The following CDH4 variants were observed in gnomAD, a reference collection of about 807,000 sequenced individuals.
CDH4 encodes the protein cadherin 4, also known as cadherin-4.
CDH4 carries 33 observed loss-of-function variants against 86.0 expected under a neutral mutation model. That is an observed-to-expected ratio of 0.38 (90% CI 0.29 to 0.51). The LOEUF (loss-of-function observed/expected upper bound fraction) is 0.51, where lower values mean the gene tolerates loss of function less well. Ranked by LOEUF, CDH4 falls within the 20% of genes least tolerant of loss-of-function variation. The pLI is 0.86. For synonymous variants in CDH4, 555 were observed against 549.4 expected (o/e 1.01, Z -0.14); for missense variants, 1,114 against 1,307.4 (o/e 0.85, Z 2.28).
intron 2 of CDH4, among the ~76,000 whole-genome samples, chr20:61,530,652 T>C (rs972720467): frequency 8.5e-5 from 13 of 152,056 alleles, no homozygotes; most frequent in African/African-American, 3.1e-4. Context: ...TCAGAATGCT[T>C]TGGCTAGAAA....
At chr20:61,599,160 C>G (rs1215976143) in intron 2 of CDH4, among the ~76,000 whole-genome samples, 1 of 152,198 alleles carries the variant, frequency 6.6e-6, no homozygotes, top group African/African-American at 2.4e-5. Flanking sequence ...CCCTAGAGGT[C>G]GCTCTTGGAG....
rs919145416 is a variant in CDH4 at position 61,899,628 on chromosome 20, T to C, written c.1188+4581T>C. Among the ~76,000 whole-genome samples, 11 of 152,224 alleles carry C rather than the reference T, an allele frequency of 7.2e-5. No homozygotes were observed. In the East Asian group the frequency reaches 7.8e-4, roughly 11 times the overall value. ...ATTCTTAGTAGTGATGGGGTTTCAC[T>C]GTGTTAGCCAGGATGGTCTTGATCT... On this transcript the variant is annotated intron_variant, in intron 8 of 15. Transcript: ENST00000614565.
chr20:61,636,082 G>A (rs937525680), intron 2 of CDH4, among the ~76,000 whole-genome samples: 8 of 152,192 alleles, frequency 5.3e-5, no homozygotes, highest in Non-Finnish European at 1.0e-4. Flanking sequence ...CACGCGTGGG[G>A]GTCCACCGTG....
chr20:61,406,973 T>C (rs1404607429), intron 2 of CDH4, among the ~76,000 whole-genome samples: 2 of 149,992 alleles, frequency 1.3e-5, no homozygotes, highest in Non-Finnish European at 3.0e-5. Flanking sequence ...TGGACCACCA[T>C]CTGCTCTTCT....
chr20:61,391,406 A>G (rs1447903206), intron 2 of CDH4, among the ~76,000 whole-genome samples: 2 of 152,106 alleles, frequency 1.3e-5, no homozygotes, highest in Non-Finnish European at 2.9e-5. Context: ...TAGCCAGGGC[A>G]CTTCCTGCGG....
chr20:61,424,320 C>A (rs1408884838), intron 2 of CDH4, among the ~76,000 whole-genome samples: 3 of 151,722 alleles, frequency 2.0e-5, no homozygotes, highest in African/African-American at 7.3e-5. Flanking sequence ...CACACATCCA[C>A]ATACAACACA....
chr20:61,892,203 C>T (rs1199650047), intron 7 of CDH4, among the ~76,000 whole-genome samples: 3 of 152,190 alleles, frequency 2.0e-5, no homozygotes, highest in South Asian at 2.1e-4. Flanking sequence ...ACTTAAAGCC[C>T]GTTGGTGACT....
intron 2 of CDH4, among the ~76,000 whole-genome samples, chr20:61,528,204 C>T (rs1261989146): frequency 6.7e-6 from 1 of 150,058 alleles, no homozygotes; most frequent in African/African-American, 2.5e-5. Context: ...GGCGAAACCC[C>T]ATTTCTACTA....
chr20:61,897,667 G>A (rs1568874060), intron 8 of CDH4, among the ~76,000 whole-genome samples: 1 of 152,160 alleles, frequency 6.6e-6, no homozygotes, highest in Non-Finnish European at 1.5e-5. Context: ...TGGGGCAGAG[G>A]GTCCCCATGG....
At chr20:61,739,617 A>G (rs1046224283) in intron 2 of CDH4, among the ~76,000 whole-genome samples, 1 of 152,216 alleles carries the variant, frequency 6.6e-6, no homozygotes, top group Non-Finnish European at 1.5e-5. Context: ...CAGTCTGCAG[A>G]GTCCAGAGTG....
chr20:61,448,618 C>T (rs2085364707), intron 2 of CDH4, among the ~76,000 whole-genome samples: 1 of 152,116 alleles, frequency 6.6e-6, no homozygotes, highest in Non-Finnish European at 1.5e-5. Flanking sequence ...GTGATAGGAG[C>T]AAGAGGAGTT....
chr20:61,347,602 G>A (rs2084686689), intron 2 of CDH4, among the ~76,000 whole-genome samples: 1 of 152,212 alleles, frequency 6.6e-6, no homozygotes, highest in South Asian at 2.1e-4. Flanking sequence ...CCTCTAGTGT[G>A]AGCGCTGAGA....
At chr20:61,694,919 G>A (rs1362422639) in intron 2 of CDH4, among the ~76,000 whole-genome samples, 1 of 152,222 alleles carries the variant, frequency 6.6e-6, no homozygotes, top group Non-Finnish European at 1.5e-5. Flanking sequence ...CGCCGCCGGA[G>A]AGCTGGAATG....
Position 61,743,754 on chromosome 20 carries a change from G to T in CDH4, c.361G>T (p.Val121Leu). Residue 121 changes from valine (V) to leucine (L), a missense_variant, in exon 3 of 16, where the codon GTG (valine) becomes TTG (leucine). Physicochemically the swap from Val to Leu is conservative, Grantham distance 32 (BLOSUM62 1). This residue lies in a region of CDH4 where 221 missense variants were observed against 209.5 expected (regional missense o/e 1.05). Transcript: ENST00000614565. Reference sequence around the variant, plus strand: ...ATGGGACGCCGTGGTGCGGTTGCTGGTGGCCCAGACCTCGTCCCCGCACTC... The same window carrying T: ...ATGGGACGCCGTGGTGCGGTTGCTGTTGGCCCAGACCTCGTCCCCGCACTC... The part of the protein sequence containing the change: ...EKWDAVVRLL[V>L]AQTSSPHSGH... 6.2e-7 allele frequency: 1 copy of T among 1,609,496 alleles called. No individual in the cohort carries two copies. Among genetic ancestry groups the T allele is most frequent in the South Asian group, 1.1e-5 (1 of 89,942 alleles).
chr20:61,824,788 G>T (rs1981233113), intron 4 of CDH4, among the ~76,000 whole-genome samples: 1 of 152,192 alleles, frequency 6.6e-6, no homozygotes, highest in Non-Finnish European at 1.5e-5. Flanking sequence ...CTGTAAAGGA[G>T]ACACTAAGTT....
intron 2 of CDH4, among the ~76,000 whole-genome samples, chr20:61,318,405 A>C (rs2084489298): frequency 6.6e-6 from 1 of 151,488 alleles, no homozygotes; most frequent in Admixed American, 6.6e-5. Flanking sequence ...TGATTCAAAA[A>C]CCTAAGCGTG....
At chr20:61,295,939 G>A (rs1464642683) in intron 2 of CDH4, among the ~76,000 whole-genome samples, 1 of 152,214 alleles carries the variant, frequency 6.6e-6, no homozygotes, top group Non-Finnish European at 1.5e-5. Context: ...GAGTGAGAAA[G>A]TGCCATGGGT....
At chr20:61,717,066 C>T (rs1298552925) in intron 2 of CDH4, among the ~76,000 whole-genome samples, 1 of 152,230 alleles carries the variant, frequency 6.6e-6, no homozygotes, top group Non-Finnish European at 1.5e-5. Context: ...AGCTTCTTCC[C>T]ATCCCTGCTC....
intron 4 of CDH4, among the ~76,000 whole-genome samples, chr20:61,788,336 C>T (rs907728785): frequency 1.3e-5 from 2 of 152,024 alleles, no homozygotes; most frequent in Non-Finnish European, 2.9e-5. Context: ...CCCTGAGGGG[C>T]TGGGGGAGGG....
Sources: allele counts gnomAD v4.1 joint callset (sites outside exome capture counted in the v4.1 genomes callset), GRCh38; gene constraint gnomAD v4.1.1; regional missense constraint gnomAD v4.1.1; transcripts MANE v1.5; gene names NCBI Gene and HGNC (gene_info 2026-07-23, HGNC 2026-07-21).